The following HMGCLL1 variants were observed in gnomAD, a reference collection of about 807,000 sequenced individuals.
HMGCLL1 encodes 3-hydroxy-3-methylglutaryl-CoA lyase like 1.
HMGCLL1 carries 36 observed loss-of-function variants against 39.1 expected under a neutral mutation model. That is an observed-to-expected ratio of 0.92 (90% CI 0.71 to 1.22). The LOEUF (loss-of-function observed/expected upper bound fraction) is 1.22. HMGCLL1 is among the 50% of genes most tolerant of loss of function. The pLI is 0.00. For missense variants in HMGCLL1, 451 were observed against 416.5 expected, an observed-to-expected ratio of 1.08 and a Z score of -0.72; for synonymous variants, 149 against 144.0, an observed-to-expected ratio of 1.03 and a Z score of -0.25.
upstream of HMGCLL1, among the ~76,000 whole-genome samples, chr6:55,580,409 T>C (rs1483192364): frequency 2.0e-5 from 1 of 50,148 alleles, no homozygotes; most frequent in African/African-American, 1.2e-4. Flanking sequence ...TTTCTTTCTT[T>C]TTTTTTTTTT....
chr6:55,571,082 AAATTATGGGAGCTAC>A (rs1184416159), intron 1 of HMGCLL1, among the ~76,000 whole-genome samples: 1 of 152,206 alleles, frequency 6.6e-6, no homozygotes, highest in Non-Finnish European at 1.5e-5. Context: ...CAACGTGTGG[AAATTATGGGAGCTAC>A]AATTCAAGTG....
At chr6:55,587,838 C>G in the HMGCLL1 span, among the ~76,000 whole-genome samples, 10 of 152,094 alleles carry the variant, frequency 6.6e-5, no homozygotes, top group Non-Finnish European at 1.3e-4. Context: ...GGGATCAATT[C>G]AACAAGAAGA....
chr6:55,648,177 C>T, the HMGCLL1 span, among the ~76,000 whole-genome samples: 10 of 142,636 alleles, frequency 7.0e-5, no homozygotes, highest in African/African-American at 2.7e-4. Flanking sequence ...CATTGTTGGA[C>T]ATTTGGGTTG....
chr6:55,445,820 G>A (rs1455914719), intron 7 of HMGCLL1, among the ~76,000 whole-genome samples: 1 of 151,990 alleles, frequency 6.6e-6, no homozygotes. Flanking sequence ...TAACCACAAG[G>A]TGGCAATATA....
chr6:55,496,033 TA>T (rs1195878378), intron 6 of HMGCLL1, among the ~76,000 whole-genome samples: 2 of 152,052 alleles, frequency 1.3e-5, no homozygotes, highest in Non-Finnish European at 2.9e-5. Flanking sequence ...TCATTGCCCT[TA>T]AAAATGTGAA....
At chr6:55,439,885 A>G (rs1184858530) in intron 7 of HMGCLL1, among the ~76,000 whole-genome samples, 4 of 152,178 alleles carry the variant, frequency 2.6e-5, no homozygotes, top group Non-Finnish European at 5.9e-5. Flanking sequence ...CCAGATTTTC[A>G]CATATTATCC....
intron 3 of HMGCLL1, among the ~76,000 whole-genome samples, chr6:55,527,091 C>T (rs945776352): frequency 1.3e-5 from 2 of 152,086 alleles, no homozygotes; most frequent in African/African-American, 2.4e-5. Flanking sequence ...TCTTCCATAT[C>T]TTCTACCTTC....
upstream of HMGCLL1, among the ~76,000 whole-genome samples, chr6:55,582,782 G>T (rs376622058): frequency 6.6e-6 from 1 of 151,892 alleles, no homozygotes; most frequent in Admixed American, 6.6e-5. Context: ...AATATTTCTT[G>T]TATATACTTT....
At chr6:55,580,410 T>A (rs1241887772), upstream of HMGCLL1, among the ~76,000 whole-genome samples, 24 of 69,474 alleles carry the variant, frequency 3.5e-4, no homozygotes, top group Non-Finnish European at 5.5e-4. Flanking sequence ...TTCTTTCTTT[T>A]TTTTTTTTTT....
the HMGCLL1 span, among the ~76,000 whole-genome samples, chr6:55,621,667 G>T: frequency 1.3e-5 from 2 of 151,838 alleles, no homozygotes; most frequent in Non-Finnish European, 2.9e-5. Flanking sequence ...ACATTATGGT[G>T]AGTTACATAA....
the HMGCLL1 span, among the ~76,000 whole-genome samples, chr6:55,608,731 C>T: frequency 4.7e-3 from 716 of 152,330 alleles, 9 homozygotes; most frequent in African/African-American, 0.016. Flanking sequence ...TCTACTTGAA[C>T]AACAATTCTT....
At chr6:55,623,473 T>C in the HMGCLL1 span, among the ~76,000 whole-genome samples, 1 of 151,826 alleles carries the variant, frequency 6.6e-6, no homozygotes, top group Non-Finnish European at 1.5e-5. Flanking sequence ...CAAGAAATTT[T>C]AAAATTTCTT....
intron 7 of HMGCLL1, among the ~76,000 whole-genome samples, chr6:55,460,452 C>CTTTTTTTATCTGTT (rs1413139429): frequency 6.6e-6 from 1 of 151,790 alleles, no homozygotes; most frequent in Non-Finnish European, 1.5e-5. Context: ...TTTAATCATA[C>CTTTTTTTATCTGTT]TTTATCTGTT....
At chr6:55,510,502 G>T (rs1250014718) in intron 5 of HMGCLL1, among the ~76,000 whole-genome samples, 1 of 151,326 alleles carries the variant, frequency 6.6e-6, no homozygotes, top group Non-Finnish European at 1.5e-5. Flanking sequence ...GGACATGGAT[G>T]AAATTGGAAA....
intron 3 of HMGCLL1, among the ~76,000 whole-genome samples, chr6:55,530,638 G>A (rs1325387429): frequency 2.0e-5 from 3 of 151,920 alleles, no homozygotes; most frequent in Non-Finnish European, 4.4e-5. Context: ...TGAAACATTA[G>A]CATATATACA....
the HMGCLL1 span, among the ~76,000 whole-genome samples, chr6:55,650,142 C>T: frequency 0.12 from 7,328 of 62,888 alleles, 562 homozygotes; most frequent in East Asian, 0.27. Flanking sequence ...TATACACACA[C>T]ACACACATAT....
intron 7 of HMGCLL1, among the ~76,000 whole-genome samples, chr6:55,482,155 A>G (rs1765784566): frequency 6.6e-6 from 1 of 152,172 alleles, no homozygotes; most frequent in African/African-American, 2.4e-5. Context: ...TTAAGTAAGC[A>G]AACAAACACT....
the HMGCLL1 span, among the ~76,000 whole-genome samples, chr6:55,593,005 A>G: frequency 1.3e-5 from 2 of 152,096 alleles, no homozygotes; most frequent in Non-Finnish European, 2.9e-5. Flanking sequence ...ATATAAGGTT[A>G]AATTTTTTCC....
intron 7 of HMGCLL1, among the ~76,000 whole-genome samples, chr6:55,465,215 T>G (rs868131047): frequency 1.3e-5 from 2 of 152,134 alleles, no homozygotes; most frequent in African/African-American, 4.8e-5. Context: ...ATTTTTCTCT[T>G]ATGTTTGATC....
Sources: gnomAD v4.1 joint callset for allele counts (sites outside exome capture counted in the v4.1 genomes callset) on GRCh38, gnomAD v4.1.1 for gene constraint, MANE v1.5 for transcripts, NCBI Gene and HGNC (gene_info 2026-07-23, HGNC 2026-07-21) for gene names.